Variants in FAM171B observed in about 807,000 individuals in gnomAD.
The protein encoded by FAM171B is family with sequence similarity 171 member B.
A neutral mutation model predicts 75.6 loss-of-function variants in FAM171B; 19 were observed. The observed-to-expected ratio is 0.25, with a 90% CI of 0.18 to 0.37. The LOEUF (loss-of-function observed/expected upper bound fraction) is 0.37, where lower values mean the gene tolerates loss of function less well. FAM171B is among the 10% of genes least tolerant of loss of function. FAM171B has a pLI of 1.00. For synonymous variants in FAM171B, 367 were observed against 361.7 expected (o/e 1.01, Z -0.17); for missense variants, 848 against 982.4 (o/e 0.86, Z 1.83).
chr2:186,737,302 G>A (rs1690216397), intron 1 of FAM171B, among the ~76,000 whole-genome samples: 1 of 152,218 alleles, frequency 6.6e-6, no homozygotes, highest in Non-Finnish European at 1.5e-5. Context: ...AAGACCAGAG[G>A]TTAAAGTAAA....
chr2:186,711,804 C>T (rs973426309), intron 1 of FAM171B, among the ~76,000 whole-genome samples: 1 of 152,146 alleles, frequency 6.6e-6, no homozygotes, highest in African/African-American at 2.4e-5. Context: ...TGCCCTGCCT[C>T]TTTTATAGTC....
intron 4 of FAM171B, among the ~76,000 whole-genome samples, chr2:186,749,789 T>C (rs1175820375): frequency 6.6e-6 from 1 of 152,168 alleles, no homozygotes; most frequent in Non-Finnish European, 1.5e-5. Context: ...TTGTTTATTC[T>C]GCCTGGAAAG....
chr2:186,726,536 C>G (rs906585135), intron 1 of FAM171B, among the ~76,000 whole-genome samples: 2 of 152,082 alleles, frequency 1.3e-5, no homozygotes, highest in African/African-American at 2.4e-5. Context: ...GTCCTCTACT[C>G]TTTTCTGAAC....
Position 186,763,679 on chromosome 2 carries a change from CTTCTA to C in FAM171B, c.*862_*866del, listed in dbSNP as rs1367146954. ...AGGCTAAATTGGTTTTAATATATTT[CTTCTA>C]TTCTAAAAACCTGAACTCAGTCACT... On this transcript the variant is annotated 3_prime_UTR_variant, in exon 8 of 8. Coordinates refer to ENST00000304698, the MANE Select transcript of FAM171B (RefSeq NM_177454.4). 1 of 151,840 alleles carries C rather than the reference CTTCTA, an allele frequency of 6.6e-6. No individual in the cohort carries two copies. Among genetic ancestry groups the C allele is most frequent in the East Asian group, 1.9e-4 (1 of 5,176 alleles). The allele number at this position is 151,840 out of a possible 1,614,324, so 9.4% of individuals were successfully genotyped here. A position where few individuals can be genotyped will look rare whatever the true frequency, so the allele number is the denominator to read the frequency against.
chr2:186,694,790 CACA>C lies in FAM171B; in HGVS notation c.238+380_238+382del, dbSNP rs1559078599. ...ACACACACACACACACACACACACA[CACA>C]CCGTTCTTAAATCCCTTAAACATTT... is the stretch of plus-strand genomic sequence containing the variant. On this transcript the variant is annotated intron_variant, in intron 1 of 7. Transcript: ENST00000304698. Among the ~76,000 whole-genome samples the C allele has an allele frequency of 6.8e-3, 942 of 137,548 alleles. 17 individuals carry two copies. The highest frequency in any genetic ancestry group is 0.025 in the African/African-American group (901 of 35,958). 90.2% of individuals were successfully genotyped at this position (137,548 alleles called of 152,430 possible).
chr2:186,743,382 C>CA (rs1690320776), intron 2 of FAM171B, 101 bp from the exon 3 acceptor site: 3 of 715,866 alleles, frequency 4.2e-6, no homozygotes, highest in South Asian at 3.8e-5. Flanking sequence ...TGTTCCCCCC[C>CA]ACAACACACT....
chr2:186,735,979 A>G (rs755140855), intron 1 of FAM171B, among the ~76,000 whole-genome samples: 5 of 152,210 alleles, frequency 3.3e-5, no homozygotes, highest in Non-Finnish European at 7.3e-5. Context: ...AAGGTTTTCT[A>G]TTATCATTAA....
chr2:186,743,382 C>A (rs761388781), intron 2 of FAM171B, 101 bp from the exon 3 acceptor site: 20 of 715,866 alleles, frequency 2.8e-5, no homozygotes, highest in African/African-American at 1.3e-4. Flanking sequence ...TGTTCCCCCC[C>A]ACAACACACT....
intron 1 of FAM171B, among the ~76,000 whole-genome samples, chr2:186,734,641 T>A (rs1268541284): frequency 6.6e-6 from 1 of 152,018 alleles, no homozygotes; most frequent in African/African-American, 2.4e-5. Flanking sequence ...GGTCCATGAG[T>A]GGGCCAGGAA....
chr2:186,707,840 TTAAA>T (rs1221099353), intron 1 of FAM171B, among the ~76,000 whole-genome samples: 3 of 106,500 alleles, frequency 2.8e-5, no homozygotes, highest in African/African-American at 1.1e-4. Flanking sequence ...CTTTTTTTTT[TTAAA>T]AAAAAAAAAA....
At position 186,763,048 on chromosome 2, in the gene FAM171B, T is replaced by A. The variant is rs549098700; in HGVS notation, c.*225T>A. 14 of 491,220 alleles carry A rather than the reference T, an allele frequency of 2.9e-5. No individual in the cohort carries two copies. The South Asian group carries it at 4.1e-4, about 14-fold the overall frequency. 30.4% of individuals were successfully genotyped at this position (491,220 alleles called of 1,614,324 possible). A position where few individuals can be genotyped will look rare whatever the true frequency, so the allele number is the denominator to read the frequency against. On this transcript the variant is annotated 3_prime_UTR_variant, in exon 8 of 8. Coordinates refer to ENST00000304698, the MANE Select transcript of FAM171B (RefSeq NM_177454.4). ...GTGATGAATTTACAGTATCTAAGTT[T>A]TCAAAATGTAAAATAGCTTCAAGAT...
rs1690678078 is a variant in FAM171B at position 186,764,980 on chromosome 2, A to G, written c.*2157A>G. The G allele has an allele frequency of 6.6e-6, 1 of 151,970 alleles. No individual in the cohort carries two copies. The highest frequency in any genetic ancestry group is 1.5e-5 in the Non-Finnish European group (1 of 67,890). The allele number at this position is 151,970 out of a possible 1,614,324, so 9.4% of individuals were successfully genotyped here. A position where few individuals can be genotyped will look rare whatever the true frequency, so the allele number is the denominator to read the frequency against. Reference sequence around the variant, plus strand: ...ATTTTATTCATTTTTGTGTAAGGGAAATGAGATGATGTATCCCAAGGGCTT... The same window carrying G: ...ATTTTATTCATTTTTGTGTAAGGGAGATGAGATGATGTATCCCAAGGGCTT... On this transcript the variant is annotated 3_prime_UTR_variant, in exon 8 of 8. Transcript: ENST00000304698.
At chr2:186,695,704 A>C (rs1396170659) in intron 1 of FAM171B, among the ~76,000 whole-genome samples, 1 of 152,056 alleles carries the variant, frequency 6.6e-6, no homozygotes, top group Non-Finnish European at 1.5e-5. Context: ...AATTAATAAC[A>C]CTCAAGTGTG....
intron 1 of FAM171B, among the ~76,000 whole-genome samples, chr2:186,736,975 G>A (rs1690211885): frequency 6.6e-6 from 1 of 152,016 alleles, no homozygotes; most frequent in Non-Finnish European, 1.5e-5. Context: ...CTCTTATAGT[G>A]GAATAATAAT....
intron 1 of FAM171B, among the ~76,000 whole-genome samples, chr2:186,739,068 G>C (rs1370650931): frequency 6.6e-6 from 1 of 152,150 alleles, no homozygotes; most frequent in Non-Finnish European, 1.5e-5. Context: ...ACAATTTTAA[G>C]TGTCAGTGCA....
chr2:186,706,344 A>AAT (rs1689733092), intron 1 of FAM171B, among the ~76,000 whole-genome samples: 1 of 152,222 alleles, frequency 6.6e-6, no homozygotes, highest in Non-Finnish European at 1.5e-5. Context: ...TTTTGGAATT[A>AAT]ATATCATCTC....
intron 1 of FAM171B, among the ~76,000 whole-genome samples, chr2:186,714,852 A>C (rs960101518): frequency 1.3e-5 from 2 of 152,192 alleles, no homozygotes; most frequent in African/African-American, 4.8e-5. Context: ...AAGTGTGGCA[A>C]AGGCTAATAA....
chr2:186,759,473 G>T (rs1483916583), intron 6 of FAM171B, among the ~76,000 whole-genome samples: 2 of 152,180 alleles, frequency 1.3e-5, no homozygotes, highest in Admixed American at 1.3e-4. Flanking sequence ...GTGTATGAGG[G>T]TTCCCTTTTC....
intron 3 of FAM171B, among the ~76,000 whole-genome samples, chr2:186,746,091 G>T (rs899080909): frequency 1.3e-5 from 2 of 152,136 alleles, no homozygotes; most frequent in African/African-American, 4.8e-5. Context: ...CCTTACTAAA[G>T]TTCAAAGCAA....
Sources: allele counts gnomAD v4.1 joint callset (sites outside exome capture counted in the v4.1 genomes callset), GRCh38; gene constraint gnomAD v4.1.1; transcripts MANE v1.5; gene names NCBI Gene and HGNC (gene_info 2026-07-23, HGNC 2026-07-21).